Variants in GRIN2B observed in about 807,000 individuals in gnomAD.
The protein encoded by GRIN2B is glutamate receptor ionotropic, NMDA 2B.
In GRIN2B, 5 loss-of-function variants were observed where a neutral mutation model predicts 114.5. The observed-to-expected ratio is 0.04, with a 90% confidence interval of 0.02 to 0.09. The LOEUF is 0.09. Ranked by LOEUF, GRIN2B falls within the 10% of genes least tolerant of loss-of-function variation. GRIN2B has a pLI of 1.00. For synonymous variants in GRIN2B, 787 were observed against 745.1 expected, an observed-to-expected ratio of 1.06 and a Z score of -0.92; for missense variants, 1,108 against 1,943.5, an observed-to-expected ratio of 0.57 and a Z score of 8.08.
intron 3 of GRIN2B, among the ~76,000 whole-genome samples, chr12:13,770,970 A>T (rs948432765): frequency 3.3e-5 from 5 of 152,164 alleles, no homozygotes; most frequent in Non-Finnish European, 5.9e-5. Flanking sequence ...TTCTGTAGCC[A>T]CCACTTCACA....
chr12:13,600,389 G>C (rs866557877), intron 10 of GRIN2B, among the ~76,000 whole-genome samples: 1 of 152,120 alleles, frequency 6.6e-6, no homozygotes, highest in Non-Finnish European at 1.5e-5. Flanking sequence ...AGTCTTCTAC[G>C]CACATGGGAA....
chr12:13,624,455 G>A (rs920585298), intron 5 of GRIN2B, among the ~76,000 whole-genome samples: 1 of 152,222 alleles, frequency 6.6e-6, no homozygotes, highest in Non-Finnish European at 1.5e-5. Context: ...ATGGCTCTAA[G>A]TGCAATGGCA....
rs140894201 is a variant in GRIN2B, at chr12:13,575,453, G to C, written c.2011-3489C>G. Reference sequence around the variant, plus strand: ...GTGGGTGGATTGCTTGAGCTCAGGAGTTTGAGGCCAGCCTGGGAAACATGG... The same window carrying C: ...GTGGGTGGATTGCTTGAGCTCAGGACTTTGAGGCCAGCCTGGGAAACATGG... On this transcript the variant is annotated intron_variant, in intron 10 of 13. Coordinates refer to ENST00000609686, the MANE Select transcript of GRIN2B (RefSeq NM_000834.5). 1.6e-3 allele frequency among the ~76,000 whole-genome samples: 237 copies of C among 152,234 alleles called. 1 individual carries two copies. Among genetic ancestry groups the C allele is most frequent in the Non-Finnish European group, 2.8e-3 (191 of 68,004 alleles).
At chr12:13,972,284 G>A (rs1862936437) in intron 2 of GRIN2B, among the ~76,000 whole-genome samples, 1 of 152,150 alleles carries the variant, frequency 6.6e-6, no homozygotes, top group Admixed American at 6.5e-5. Flanking sequence ...TGTTATTGAA[G>A]TGGAGTTCAA....
At chr12:13,824,208 T>G (rs1864989768) in intron 3 of GRIN2B, among the ~76,000 whole-genome samples, 1 of 152,242 alleles carries the variant, frequency 6.6e-6, no homozygotes, top group African/African-American at 2.4e-5. Context: ...GTATTGTTCT[T>G]TCTTTATACG....
In GRIN2B at chr12:13,675,747, T is replaced by C. The variant is rs1389773965; in HGVS notation, c.1123A>G (p.Arg375Gly). 6.3e-7 allele frequency: 1 copy of C among 1,579,520 alleles called. No individual in the cohort carries two copies. Among genetic ancestry groups the C allele is most frequent in the Admixed American group, 1.7e-5 (1 of 59,910 alleles). ...GAATTGTCAAAGACATGTCTTACCCTTTCCCACTTCCTCTCCTTGTTCAGA... is the reference window on the plus strand; with the variant it reads ...GAATTGTCAAAGACATGTCTTACCCCTTCCCACTTCCTCTCCTTGTTCAGA... ...ILLNKERKWE[R>G]VGKWKDKSLQ... The change falls in exon 5 of 14, where the codon AGG becomes GGG. Residue 375 changes from arginine (R) to glycine (G), a missense_variant and splice_region_variant. Physicochemically the swap from Arg to Gly is moderately radical, Grantham distance 125. Transcript: ENST00000609686.
chr12:13,644,671 T>G (rs1401686925), intron 5 of GRIN2B, among the ~76,000 whole-genome samples: 1 of 152,202 alleles, frequency 6.6e-6, no homozygotes, highest in East Asian at 1.9e-4. Flanking sequence ...AAATCTGTTG[T>G]TTAGTGTAGC....
intron 2 of GRIN2B, among the ~76,000 whole-genome samples, chr12:13,872,266 C>A (rs1222441767): frequency 4.6e-5 from 7 of 151,572 alleles, no homozygotes; most frequent in South Asian, 2.1e-4. Flanking sequence ...TTTGGGAGGC[C>A]AAAGTGAGCA....
At chr12:13,681,222 T>C (rs1240609141) in intron 4 of GRIN2B, among the ~76,000 whole-genome samples, 1 of 152,164 alleles carries the variant, frequency 6.6e-6, no homozygotes. Context: ...TAATATCTGC[T>C]AATGTGTCAA....
At chr12:13,773,577 A>C (rs553635980) in intron 3 of GRIN2B, among the ~76,000 whole-genome samples, 1 of 152,220 alleles carries the variant, frequency 6.6e-6, no homozygotes, top group African/African-American at 2.4e-5. Context: ...GAGTATGACG[A>C]AACTGTTCTT....
chr12:13,755,679 A>G (rs949151858), intron 3 of GRIN2B, among the ~76,000 whole-genome samples: 1 of 152,238 alleles, frequency 6.6e-6, no homozygotes, highest in Non-Finnish European at 1.5e-5. Flanking sequence ...TTCTCCTACT[A>G]CATGAGTACA....
At chr12:13,642,193 C>G (rs376164573) in intron 5 of GRIN2B, among the ~76,000 whole-genome samples, 1 of 61,232 alleles carries the variant, frequency 1.6e-5, no homozygotes, top group Non-Finnish European at 4.2e-5. Context: ...TGTCTCAAAA[C>G]AAACAAACAA....
At chr12:13,565,548 C>T (rs1333024909) in intron 13 of GRIN2B, among the ~76,000 whole-genome samples, 1 of 152,084 alleles carries the variant, frequency 6.6e-6, no homozygotes, top group Admixed American at 6.6e-5. Flanking sequence ...GGGCTGGGTT[C>T]CTGGAGGGCT....
At position 13,539,944 on chromosome 12, in the gene GRIN2B, A is replaced by G. The variant is rs1476537964; in HGVS notation, c.*22839T>C. On this transcript the variant is annotated 3_prime_UTR_variant, in exon 14 of 14. Coordinates refer to ENST00000609686, the MANE Select transcript of GRIN2B (RefSeq NM_000834.5). ...TCACAATGGTATTGTTAAACTAAAA[A>G]AGAGTCCTTAGTAAAAGAGATATAT... 4 of 152,244 alleles carry G rather than the reference A, an allele frequency of 2.6e-5. No individual in the cohort carries two copies. The highest frequency in any genetic ancestry group is 4.8e-5 in the African/African-American group (2 of 41,470). The allele number at this position is 152,244 out of a possible 1,614,324, so 9.4% of individuals were successfully genotyped here. A position where few individuals can be genotyped will look rare whatever the true frequency, so the allele number is the denominator to read the frequency against.
intron 4 of GRIN2B, among the ~76,000 whole-genome samples, chr12:13,722,768 A>G (rs1390744325): frequency 1.3e-5 from 2 of 152,048 alleles, no homozygotes; most frequent in Non-Finnish European, 2.9e-5. Context: ...CTTCATCATC[A>G]TGGTTGTGTT....
At chr12:13,610,389 A>G (rs1407133877) in intron 9 of GRIN2B, among the ~76,000 whole-genome samples, 6 of 152,134 alleles carry the variant, frequency 3.9e-5, no homozygotes, top group Middle Eastern at 3.2e-3. Context: ...TTTTCAAGGG[A>G]GAGAGGCAAT....
At chr12:13,924,129 T>G (rs1388418391) in intron 2 of GRIN2B, among the ~76,000 whole-genome samples, 1 of 152,188 alleles carries the variant, frequency 6.6e-6, no homozygotes, top group East Asian at 1.9e-4. Flanking sequence ...TGCCACATTC[T>G]GGTTGGTGCT....
intron 3 of GRIN2B, among the ~76,000 whole-genome samples, chr12:13,849,074 T>C (rs572049468): frequency 6.6e-6 from 1 of 152,274 alleles, no homozygotes; most frequent in Admixed American, 6.5e-5. Context: ...ACCAATTTGT[T>C]CTTGGAGAAC....
At chr12:13,776,857 A>ATTATTATATAAAATAAT (rs1864013613) in intron 3 of GRIN2B, among the ~76,000 whole-genome samples, 1 of 152,228 alleles carries the variant, frequency 6.6e-6, no homozygotes, top group Non-Finnish European at 1.5e-5. Context: ...AAAACTTCTT[A>ATTATTATATAAAATAAT]AAATTAATAC....
Sources: gnomAD v4.1 joint callset for allele counts (sites outside exome capture counted in the v4.1 genomes callset) on GRCh38, gnomAD v4.1.1 for gene constraint, MANE v1.5 for transcripts, NCBI Gene and HGNC (gene_info 2026-07-23, HGNC 2026-07-21) for gene names.